Variants in PLEKHM3 observed in about 807,000 individuals in gnomAD.
The protein encoded by PLEKHM3 is pleckstrin homology domain containing M3.
A neutral mutation model predicts 81.8 loss-of-function variants in PLEKHM3; 45 were observed. The observed-to-expected ratio is 0.55, with a 90% CI of 0.43 to 0.71. PLEKHM3 has a LOEUF of 0.71. Among genes scored for constraint, PLEKHM3 ranks in the 30% least tolerant of loss-of-function variants. The pLI is 0.00. For missense variants in PLEKHM3, 788 were observed against 924.3 expected, an observed-to-expected ratio of 0.85 and a Z score of 1.91; for synonymous variants, 352 against 356.4, an observed-to-expected ratio of 0.99 and a Z score of 0.14.
At chr2:208,016,423 G>A (rs1692916799) in intron 1 of PLEKHM3, among the ~76,000 whole-genome samples, 1 of 151,778 alleles carries the variant, frequency 6.6e-6, no homozygotes, top group Non-Finnish European at 1.5e-5. Flanking sequence ...GGTGGCAGGT[G>A]GATCTCCTGA....
At chr2:207,836,042 T>C (rs1369023984) in intron 7 of PLEKHM3, among the ~76,000 whole-genome samples, 1 of 152,130 alleles carries the variant, frequency 6.6e-6, no homozygotes, top group Non-Finnish European at 1.5e-5. Context: ...GGACCAGAGT[T>C]CAACTTCTGT....
chr2:207,931,506 T>C (rs991651114), intron 4 of PLEKHM3, among the ~76,000 whole-genome samples: 9 of 152,248 alleles, frequency 5.9e-5, no homozygotes, highest in Non-Finnish European at 2.9e-5. Flanking sequence ...ACACAGAACC[T>C]CTCTGAATTG....
At chr2:208,024,152 T>TAAAATAAAAC (rs1311036729) in intron 1 of PLEKHM3, among the ~76,000 whole-genome samples, 1 of 139,846 alleles carries the variant, frequency 7.2e-6, no homozygotes, top group East Asian at 1.9e-4. Context: ...CAAAATAAAA[T>TAAAATAAAAC]AAAATAAAAT....
chr2:207,931,094 A>G lies in PLEKHM3; in HGVS notation c.1718T>C (p.Leu573Pro). 1.9e-6 allele frequency: 3 copies of G among 1,613,302 alleles called. No individual in the cohort carries two copies. Among genetic ancestry groups the G allele is most frequent in the Non-Finnish European group, 2.5e-6 (3 of 1,179,442 alleles). The change falls in exon 5 of 8, where the codon CTG becomes CCG. Residue 573 changes from leucine to proline, a missense_variant. Physicochemically the swap from Leu to Pro is moderately conservative, Grantham distance 98. Coordinates refer to ENST00000427836, the MANE Select transcript of PLEKHM3 (RefSeq NM_001080475.3). ...YKVSKQAKEF[L>P]EYVYEEPLID... ...GAGCGGCTCTTCGTACACGTACTCC[A>G]GAAACTCCTTGGCCTGCTTCGACAC...
At chr2:207,939,172 C>T (rs1390002787) in intron 4 of PLEKHM3, among the ~76,000 whole-genome samples, 1 of 152,170 alleles carries the variant, frequency 6.6e-6, no homozygotes, top group Non-Finnish European at 1.5e-5. Context: ...CTAAACCAAG[C>T]TCAACTATCA....
chr2:208,004,319 G>A (rs1692421562), intron 1 of PLEKHM3, among the ~76,000 whole-genome samples: 1 of 152,024 alleles, frequency 6.6e-6, no homozygotes, highest in Non-Finnish European at 1.5e-5. Flanking sequence ...GGAGGCTGAG[G>A]TGGGAGGAGG....
At chr2:207,990,440 A>C (rs1039489769) in intron 2 of PLEKHM3, among the ~76,000 whole-genome samples, 1 of 152,204 alleles carries the variant, frequency 6.6e-6, no homozygotes, top group African/African-American at 2.4e-5. Flanking sequence ...TCTGAGTCAC[A>C]ATCATCACTC....
intron 6 of PLEKHM3, among the ~76,000 whole-genome samples, chr2:207,865,148 G>T (rs891668096): frequency 2.6e-5 from 4 of 152,106 alleles, no homozygotes; most frequent in African/African-American, 9.7e-5. Context: ...GGTACTAGTG[G>T]TTATTTTTAT....
chr2:208,014,010 C>T (rs1426336066), intron 1 of PLEKHM3, among the ~76,000 whole-genome samples: 1 of 152,094 alleles, frequency 6.6e-6, no homozygotes, highest in African/African-American at 2.4e-5. Context: ...AGTATGAGAC[C>T]AGTGATAAGA....
At chr2:207,918,810 C>G (rs1179446611) in intron 5 of PLEKHM3, among the ~76,000 whole-genome samples, 3 of 152,106 alleles carry the variant, frequency 2.0e-5, no homozygotes, top group African/African-American at 7.2e-5. Context: ...GTGAATATAA[C>G]AGATAAAAAG....
chr2:207,881,373 T>C (rs1306124933), intron 6 of PLEKHM3, among the ~76,000 whole-genome samples: 1 of 152,230 alleles, frequency 6.6e-6, no homozygotes, highest in African/African-American at 2.4e-5. Context: ...GGTGCCATCA[T>C]AATGATTATA....
At chr2:207,970,634 C>G (rs566700217) in intron 3 of PLEKHM3, among the ~76,000 whole-genome samples, 1 of 152,294 alleles carries the variant, frequency 6.6e-6, no homozygotes, top group Non-Finnish European at 1.5e-5. Flanking sequence ...CTTTGATTCC[C>G]ACTCAGACCC....
intron 3 of PLEKHM3, among the ~76,000 whole-genome samples, chr2:207,956,718 A>ATTTTTTTTTTTTTTT (rs1170073686): frequency 1.4e-5 from 1 of 69,108 alleles, no homozygotes; most frequent in East Asian, 4.2e-4. Context: ...GCTGATTAAA[A>ATTTTTTTTTTTTTTT]TTTTTTTTTT....
At chr2:207,895,032 A>T (rs1487858766) in intron 6 of PLEKHM3, among the ~76,000 whole-genome samples, 1 of 152,188 alleles carries the variant, frequency 6.6e-6, no homozygotes, top group Non-Finnish European at 1.5e-5. Context: ...AGTGAGTAAC[A>T]TTTTTTGAGC....
At position 207,855,636 on chromosome 2, in the gene PLEKHM3, G is replaced by C. The variant is rs114333575; in HGVS notation, c.2108+5469C>G. Among the ~76,000 whole-genome samples, 431 of 151,980 alleles carry C rather than the reference G, an allele frequency of 2.8e-3. 5 individuals carry two copies. Among genetic ancestry groups the C allele is most frequent in the African/African-American group, 9.9e-3 (409 of 41,486 alleles). ...ACACTACAGTGATGTCATGTTGATC[G>C]TATGTTCCCTTGATATGATGTGATG... On this transcript the variant is annotated intron_variant, in intron 7 of 7. Coordinates refer to ENST00000427836, the MANE Select transcript of PLEKHM3 (RefSeq NM_001080475.3).
At position 207,824,720 on chromosome 2, in the gene PLEKHM3, CAG is replaced by C. The variant is rs1422581661; in HGVS notation, c.*3597_*3598del. 2 of 152,236 alleles carry C rather than the reference CAG, an allele frequency of 1.3e-5. No individual in the cohort carries two copies. The highest frequency in any genetic ancestry group is 4.8e-5 in the African/African-American group (2 of 41,450). 9.4% of individuals were successfully genotyped at this position (152,236 alleles called of 1,614,324 possible). A position where few individuals can be genotyped will look rare whatever the true frequency, so the allele number is the denominator to read the frequency against. ...TACACACAACACACAGAGACAAAAACAGAGGCCAGGCTCCGTCAGAGGACACA... is the reference window on the plus strand; with the variant it reads ...TACACACAACACACAGAGACAAAAACAGGCCAGGCTCCGTCAGAGGACACA... On this transcript the variant is annotated 3_prime_UTR_variant, in exon 8 of 8. Coordinates refer to ENST00000427836, the MANE Select transcript of PLEKHM3 (RefSeq NM_001080475.3).
At chr2:207,841,859 T>C (rs959604895) in intron 7 of PLEKHM3, among the ~76,000 whole-genome samples, 2 of 152,180 alleles carry the variant, frequency 1.3e-5, no homozygotes, top group Non-Finnish European at 2.9e-5. Flanking sequence ...TCTCCCTTCA[T>C]GTACATAAAA....
intron 6 of PLEKHM3, chr2:207,901,252 C>T (rs1688417065): frequency 1.4e-6 from 1 of 702,992 alleles, no homozygotes; most frequent in Non-Finnish European, 2.6e-6. Context: ...GTGCCGAGCT[C>T]CCCCGATCCT....
rs13432189 is a variant in PLEKHM3, at chr2:207,914,698, A to G, written c.1887-6121T>C. Reference sequence around the variant, plus strand: ...CCCTGTGTCAAAAAAAAAAAAAAAAAAGTAATTACTAATTTATTAAATTTA... The same window carrying G: ...CCCTGTGTCAAAAAAAAAAAAAAAAGAGTAATTACTAATTTATTAAATTTA... On this transcript the variant is annotated intron_variant, in intron 5 of 7. Transcript: ENST00000427836. Among the ~76,000 whole-genome samples the G allele has an allele frequency of 7.6e-3, 1,110 of 146,952 alleles. 17 individuals are homozygous for G. Among genetic ancestry groups the G allele is most frequent in the African/African-American group, 0.026 (1,049 of 40,346 alleles).
Sources: allele counts gnomAD v4.1 joint callset (sites outside exome capture counted in the v4.1 genomes callset), GRCh38; gene constraint gnomAD v4.1.1; transcripts MANE v1.5; gene names NCBI Gene and HGNC (gene_info 2026-07-23, HGNC 2026-07-21).